The following OLFM2 variants were observed in gnomAD, a reference collection of about 807,000 sequenced individuals.
OLFM2 encodes the protein noelin-2.
Under a neutral mutation model 43.9 loss-of-function variants are expected in OLFM2, and 20 were observed. That is an observed-to-expected ratio of 0.46 (90% confidence interval 0.32 to 0.66). The LOEUF (loss-of-function observed/expected upper bound fraction) is 0.66. Ranked by LOEUF, OLFM2 falls within the 30% of genes least tolerant of loss-of-function variation. The pLI is 0.04. For missense variants in OLFM2, 416 were observed against 643.6 expected (o/e 0.65, Z 3.83); for synonymous variants, 268 against 278.6 (o/e 0.96, Z 0.38).
intron 1 of OLFM2, among the ~76,000 whole-genome samples, chr19:9,872,666 A>C (rs140102177): frequency 3.9e-5 from 6 of 152,274 alleles, no homozygotes; most frequent in African/African-American, 7.2e-5. Context: ...GTGAATCCAC[A>C]TATTCATTCA....
chr19:9,901,873 T>G (rs1339429770), intron 1 of OLFM2, among the ~76,000 whole-genome samples: 1 of 152,228 alleles, frequency 6.6e-6, no homozygotes, highest in African/African-American at 2.4e-5. Context: ...GAAACGCCAT[T>G]GTGCATTAGA....
chr19:9,923,055 T>C (rs2086430539), intron 1 of OLFM2, among the ~76,000 whole-genome samples: 1 of 152,138 alleles, frequency 6.6e-6, no homozygotes, highest in East Asian at 1.9e-4. Flanking sequence ...CTCTGAAACT[T>C]TGGAAGACTG....
At chr19:9,902,060 G>A (rs1004216566) in intron 1 of OLFM2, among the ~76,000 whole-genome samples, 14 of 151,158 alleles carry the variant, frequency 9.3e-5, no homozygotes, top group Non-Finnish European at 1.3e-4. Context: ...ATGGAGTCTC[G>A]CTTTGTCACC....
At chr19:9,875,066 C>A (rs935704521) in intron 1 of OLFM2, among the ~76,000 whole-genome samples, 3 of 152,200 alleles carry the variant, frequency 2.0e-5, no homozygotes, top group African/African-American at 7.2e-5. Context: ...GCTCCCTGTT[C>A]CGCAGGCATC....
At chr19:9,894,454 A>AATCCCAGCACTTTGGG (rs1297259182) in intron 1 of OLFM2, among the ~76,000 whole-genome samples, 1 of 149,170 alleles carries the variant, frequency 6.7e-6, no homozygotes, top group African/African-American at 2.5e-5. Context: ...TCACGCCTGT[A>AATCCCAGCACTTTGGG]ATCCCAGCAC....
intron 1 of OLFM2, among the ~76,000 whole-genome samples, chr19:9,873,283 A>C (rs1189852133): frequency 1.3e-5 from 2 of 152,114 alleles, no homozygotes; most frequent in African/African-American, 4.8e-5. Flanking sequence ...CTCCCTGAGT[A>C]GCTGGGACTA....
chr19:9,918,613 C>T (rs1169059940), intron 1 of OLFM2, among the ~76,000 whole-genome samples: 1 of 152,116 alleles, frequency 6.6e-6, no homozygotes, highest in Non-Finnish European at 1.5e-5. Context: ...TGAAACAATC[C>T]AAAGACCCAT....
intron 1 of OLFM2, among the ~76,000 whole-genome samples, chr19:9,877,229 CAA>C (rs1284739436): frequency 1.5e-3 from 66 of 45,364 alleles, no homozygotes; most frequent in African/African-American, 3.2e-3. Context: ...GACTCCATCT[CAA>C]AAAAAAAAAA....
chr19:9,925,121 G>A (rs530350960), intron 1 of OLFM2, among the ~76,000 whole-genome samples: 246 of 152,044 alleles, frequency 1.6e-3, no homozygotes, highest in Non-Finnish European at 1.7e-3. Flanking sequence ...CAGGCCTGGC[G>A]GTGCATAGTC....
intron 1 of OLFM2, among the ~76,000 whole-genome samples, chr19:9,907,374 G>T (rs1298164977): frequency 6.6e-6 from 1 of 152,136 alleles, no homozygotes; most frequent in African/African-American, 2.4e-5. Flanking sequence ...AGAATCGCTT[G>T]AACCCGGGAG....
At chr19:9,861,784 T>C (rs888734092) in intron 1 of OLFM2, among the ~76,000 whole-genome samples, 2 of 152,104 alleles carry the variant, frequency 1.3e-5, no homozygotes, top group Admixed American at 1.3e-4. Flanking sequence ...AAGACACCCC[T>C]GAGGCAGGTG....
intron 1 of OLFM2, among the ~76,000 whole-genome samples, chr19:9,890,707 C>T (rs577202437): frequency 3.3e-5 from 5 of 152,262 alleles, no homozygotes; most frequent in African/African-American, 1.2e-4. Flanking sequence ...AATCCCAGCA[C>T]TTTGGGAGGC....
At chr19:9,900,767 T>A (rs961107001) in intron 1 of OLFM2, among the ~76,000 whole-genome samples, 2 of 151,042 alleles carry the variant, frequency 1.3e-5, no homozygotes, top group Non-Finnish European at 2.9e-5. Context: ...GATGCATGCC[T>A]GTAGTCCCAA....
At chr19:9,865,312 G>GCCTTTGC (rs1175857294) in intron 1 of OLFM2, among the ~76,000 whole-genome samples, 2 of 151,228 alleles carry the variant, frequency 1.3e-5, no homozygotes, top group African/African-American at 4.9e-5. Flanking sequence ...GAGACTAAAG[G>GCCTTTGC]CCTTTAGTCT....
chr19:9,870,383 GGA>G (rs1157299764), intron 1 of OLFM2, among the ~76,000 whole-genome samples: 1 of 152,166 alleles, frequency 6.6e-6, no homozygotes, highest in Non-Finnish European at 1.5e-5. Context: ...GTCCAACGAG[GGA>G]GAGAGGAGAG....
intron 1 of OLFM2, among the ~76,000 whole-genome samples, chr19:9,879,383 C>T (rs2046520106): frequency 6.6e-6 from 1 of 151,844 alleles, no homozygotes; most frequent in Admixed American, 6.6e-5. Flanking sequence ...CTGCCCCCCT[C>T]GGCCTCCCAA....
intron 1 of OLFM2, among the ~76,000 whole-genome samples, chr19:9,933,070 C>G (rs1316783469): frequency 2.0e-5 from 3 of 152,132 alleles, no homozygotes. Context: ...CAAGCTTGTT[C>G]TTACCCCAGG....
chr19:9,879,439 C>T (rs1185729182), intron 1 of OLFM2, among the ~76,000 whole-genome samples: 4 of 151,908 alleles, frequency 2.6e-5, no homozygotes, highest in African/African-American at 9.7e-5. Context: ...GCCAAGCTCT[C>T]GTTGTTTAAA....
At chr19:9,927,866 A>G (rs760984484) in intron 1 of OLFM2, among the ~76,000 whole-genome samples, 3 of 151,970 alleles carry the variant, frequency 2.0e-5, no homozygotes, top group Non-Finnish European at 4.4e-5. Context: ...GTTCGAGACC[A>G]GCCTGAACAA....
Sources: gnomAD v4.1 joint callset for allele counts (sites outside exome capture counted in the v4.1 genomes callset) on GRCh38, gnomAD v4.1.1 for gene constraint, MANE v1.5 for transcripts, NCBI Gene and HGNC (gene_info 2026-07-23, HGNC 2026-07-21) for gene names.